ERC2: variants seen among roughly 807,000 people sequenced by gnomAD.
The protein encoded by ERC2 is ERC protein 2.
In ERC2, 42 loss-of-function variants were observed where a neutral mutation model predicts 114.8. The ratio of observed to expected loss-of-function variants is 0.37; its 90% CI spans 0.29 to 0.47. The LOEUF is 0.47. Among genes scored for constraint, ERC2 ranks in the 20% least tolerant of loss-of-function variants. ERC2 has a pLI of 0.99. For missense variants in ERC2, 939 were observed against 1,150.7 expected (o/e 0.82, Z 2.66); for synonymous variants, 454 against 425.5 (o/e 1.07, Z -0.82).
At chr3:56,128,104 AAAG>A (rs2079989625) in intron 6 of ERC2, among the ~76,000 whole-genome samples, 1 of 152,134 alleles carries the variant, frequency 6.6e-6, no homozygotes, top group Admixed American at 6.6e-5. Context: ...ATTTTAAAAA[AAAG>A]ATTTGTAAGT....
intron 3 of ERC2, among the ~76,000 whole-genome samples, chr3:56,271,863 C>G (rs2053674662): frequency 6.6e-6 from 1 of 152,008 alleles, no homozygotes; most frequent in Admixed American, 6.6e-5. Flanking sequence ...GTTTTCTGTC[C>G]CTGCATTAGT....
intron 12 of ERC2, among the ~76,000 whole-genome samples, chr3:55,973,081 C>T (rs1196875455): frequency 6.6e-6 from 1 of 152,126 alleles, no homozygotes; most frequent in East Asian, 1.9e-4. Flanking sequence ...GGATATTCTG[C>T]CCATCCTGCG....
At chr3:56,239,487 C>T (rs1444680588) in intron 3 of ERC2, among the ~76,000 whole-genome samples, 2 of 152,046 alleles carry the variant, frequency 1.3e-5, no homozygotes, top group Non-Finnish European at 2.9e-5. Flanking sequence ...GCCTGGGCGA[C>T]AGAGTGAGTC....
At chr3:56,264,697 G>A (rs1334038601) in intron 3 of ERC2, among the ~76,000 whole-genome samples, 1 of 151,462 alleles carries the variant, frequency 6.6e-6, no homozygotes, top group Non-Finnish European at 1.5e-5. Flanking sequence ...GATCCTACAT[G>A]TAGAAAGCCC....
intron 17 of ERC2, among the ~76,000 whole-genome samples, chr3:55,661,544 C>T (rs572611059): frequency 8.5e-5 from 13 of 152,266 alleles, no homozygotes; most frequent in Admixed American, 7.2e-4. Flanking sequence ...CTTTCTTTCT[C>T]GACTTTTAAG....
chr3:56,331,858 G>C (rs2057632355), intron 2 of ERC2, among the ~76,000 whole-genome samples: 1 of 152,142 alleles, frequency 6.6e-6, no homozygotes. Flanking sequence ...TTGCCTTTTG[G>C]ATCCCAAAAG....
chr3:55,978,124 G>C (rs1296492991), intron 12 of ERC2, among the ~76,000 whole-genome samples: 2 of 152,090 alleles, frequency 1.3e-5, no homozygotes, highest in African/African-American at 4.8e-5. Flanking sequence ...AACGAATAAA[G>C]GAGATAAATG....
chr3:55,766,328 G>A (rs1033449536), intron 14 of ERC2, among the ~76,000 whole-genome samples: 6 of 150,848 alleles, frequency 4.0e-5, no homozygotes, highest in African/African-American at 2.4e-5. Context: ...GGGAATAGAC[G>A]TATCAGTTTG....
At chr3:56,433,330 A>G (rs935485135) in intron 2 of ERC2, among the ~76,000 whole-genome samples, 3 of 152,244 alleles carry the variant, frequency 2.0e-5, no homozygotes, top group Non-Finnish European at 2.9e-5. Context: ...AGAAAATAGC[A>G]GCATATAAAA....
At chr3:56,239,277 G>A (rs777913172) in intron 3 of ERC2, among the ~76,000 whole-genome samples, 26 of 152,158 alleles carry the variant, frequency 1.7e-4, no homozygotes, top group Admixed American at 4.6e-4. Flanking sequence ...AGCACTTTCG[G>A]AGGCCGAGGC....
intron 14 of ERC2, among the ~76,000 whole-genome samples, chr3:55,883,922 C>T (rs1463091036): frequency 6.6e-6 from 1 of 151,702 alleles, no homozygotes; most frequent in Non-Finnish European, 1.5e-5. Context: ...ACAACAACAA[C>T]AACAACACCA....
chr3:55,619,212 A>G (rs927187349), intron 17 of ERC2, among the ~76,000 whole-genome samples: 1 of 152,228 alleles, frequency 6.6e-6, no homozygotes, highest in African/African-American at 2.4e-5. Flanking sequence ...AACCTTGTCC[A>G]TGTTTTTCCT....
At chr3:56,407,352 G>A (rs765511339) in intron 2 of ERC2, among the ~76,000 whole-genome samples, 40 of 152,218 alleles carry the variant, frequency 2.6e-4, no homozygotes, top group African/African-American at 7.2e-4. Context: ...TCCTTCTCAC[G>A]TCCTCTCTAA....
chr3:56,398,194 C>A (rs577419710), intron 2 of ERC2, among the ~76,000 whole-genome samples: 1 of 152,268 alleles, frequency 6.6e-6, no homozygotes, highest in Non-Finnish European at 1.5e-5. Flanking sequence ...TTAATCAAAG[C>A]AACAAAGAAC....
intron 17 of ERC2, among the ~76,000 whole-genome samples, chr3:55,550,889 G>T (rs1559638644): frequency 6.6e-6 from 1 of 151,832 alleles, no homozygotes; most frequent in African/African-American, 2.4e-5. Flanking sequence ...GGTGGTGGGT[G>T]CCTGTAGTCC....
At chr3:56,457,600 T>C (rs2107550116) in intron 1 of ERC2, among the ~76,000 whole-genome samples, 1 of 152,208 alleles carries the variant, frequency 6.6e-6, no homozygotes, top group South Asian at 2.1e-4. Flanking sequence ...GTTTTAAGCT[T>C]GAGTCCCATC....
At chr3:55,529,555 T>A (rs114053061) in intron 17 of ERC2, among the ~76,000 whole-genome samples, 3,021 of 152,260 alleles carry the variant, frequency 0.02, 99 homozygotes, top group African/African-American at 0.068. Context: ...TCCACCAGGA[T>A]CCTAAGCCTA....
chr3:55,653,722 G>A (rs62251546), intron 17 of ERC2, among the ~76,000 whole-genome samples: 1 of 152,104 alleles, frequency 6.6e-6, no homozygotes, highest in Non-Finnish European at 1.5e-5. Flanking sequence ...AACTTTTTAT[G>A]CATATGCATT....
intron 2 of ERC2, among the ~76,000 whole-genome samples, chr3:56,409,173 G>T (rs1281547324): frequency 1.3e-5 from 2 of 152,162 alleles, no homozygotes; most frequent in African/African-American, 2.4e-5. Flanking sequence ...CTAGGGCTTC[G>T]CATTGTATCA....
Sources: gnomAD v4.1 joint callset for allele counts (sites outside exome capture counted in the v4.1 genomes callset) on GRCh38, gnomAD v4.1.1 for gene constraint, MANE v1.5 for transcripts, NCBI Gene and HGNC (gene_info 2026-07-23, HGNC 2026-07-21) for gene names.